PTPRQ: variants seen among roughly 807,000 people sequenced by gnomAD.
PTPRQ encodes the protein protein tyrosine phosphatase receptor type Q.
A neutral mutation model predicts 246.0 loss-of-function variants in PTPRQ; 199 were observed. The ratio of observed to expected loss-of-function variants is 0.81; its 90% CI spans 0.72 to 0.91. The LOEUF (loss-of-function observed/expected upper bound fraction) is 0.91. PTPRQ is among the 40% of genes least tolerant of loss of function. The pLI is 0.00. For missense variants in PTPRQ, 2,624 were observed against 2,528.4 expected (o/e 1.04, Z -0.81); for synonymous variants, 869 against 853.2 (o/e 1.02, Z -0.32).
chr12:80,494,893 A>C, intron 10 of PTPRQ, 40 bp from the exon 11 acceptor site: 2 of 1,497,146 alleles, frequency 1.3e-6, no homozygotes, highest in Non-Finnish European at 1.8e-6. Flanking sequence ...TGTGAAGCCA[A>C]ACACCTTTCT....
At chr12:80,642,933 A>AC (rs1360925559) in intron 35 of PTPRQ, among the ~76,000 whole-genome samples, 3,614 of 144,384 alleles carry the variant, frequency 0.025, 250 homozygotes, top group African/African-American at 0.093. Context: ...AAAAAAAAAA[A>AC]AAAAAAAAAA....
chr12:80,618,839 T>C (rs1898865687), intron 30 of PTPRQ, among the ~76,000 whole-genome samples: 2 of 151,484 alleles, frequency 1.3e-5, no homozygotes, highest in South Asian at 4.1e-4. Context: ...TTATAATACA[T>C]ACTAGAGCCC....
In PTPRQ at chr12:80,610,522, C is replaced by A; in HGVS notation, c.4815C>A (p.Phe1605Leu). The change falls in exon 28 of 45, where the codon TTC becomes TTA. Residue 1605 changes from phenylalanine (F) to leucine (L), a missense_variant. Phe to Leu is a conservative substitution (Grantham distance 22). Coordinates refer to ENST00000644991, the MANE Select transcript of PTPRQ (RefSeq NM_001145026.2). ...KTIEIKDLEI[F>L]TRYSVVITAF... ...TAGAAATTAAAGATTTAGAAATATT[C>A]ACAAGGTATTCTGTAGTGATCACTG... 1 of 1,534,422 alleles carries A rather than the reference C, an allele frequency of 6.5e-7. No homozygotes were observed. Among genetic ancestry groups the A allele is most frequent in the South Asian group, 1.2e-5 (1 of 81,440 alleles).
chr12:80,556,607 A>C (rs1328316510), intron 25 of PTPRQ, among the ~76,000 whole-genome samples: 1 of 152,200 alleles, frequency 6.6e-6, no homozygotes, highest in Non-Finnish European at 1.5e-5. Flanking sequence ...TCAGTATGCT[A>C]TGAGAAAATG....
In PTPRQ at chr12:80,679,116, T is replaced by C. The variant is rs1226539131; in HGVS notation, c.*93T>C. The stretch of plus-strand genomic sequence containing the variant: ...TCTTCCGAATTGAAATGTGCAACCT[T>C]AAAGAAATATCTATGCTTCTCTCAC... On this transcript the variant is annotated 3_prime_UTR_variant, in exon 45 of 45. Coordinates refer to ENST00000644991, the MANE Select transcript of PTPRQ (RefSeq NM_001145026.2). The C allele has an allele frequency of 7.0e-7, 1 of 1,437,432 alleles. No individual in the cohort carries two copies. Among genetic ancestry groups the C allele is most frequent in the African/African-American group, 1.4e-5 (1 of 69,592 alleles). 89.0% of individuals were successfully genotyped at this position (1,437,432 alleles called of 1,614,324 possible).
chr12:80,466,337 G>C (rs199517272), intron 6 of PTPRQ, among the ~76,000 whole-genome samples: 16 of 152,114 alleles, frequency 1.1e-4, no homozygotes, highest in Admixed American at 6.6e-4. Flanking sequence ...GTACAAACCA[G>C]TGCTCAATGA....
chr12:80,606,924 T>C (rs1264107351), intron 27 of PTPRQ, among the ~76,000 whole-genome samples: 1 of 150,924 alleles, frequency 6.6e-6, no homozygotes, highest in African/African-American at 2.4e-5. Flanking sequence ...AAAGGCACTT[T>C]ATTAATGAAA....
chr12:80,645,096 A>G (rs1279901487), intron 35 of PTPRQ, among the ~76,000 whole-genome samples: 1 of 152,108 alleles, frequency 6.6e-6, no homozygotes, highest in African/African-American at 2.4e-5. Context: ...CTAAAAAGTG[A>G]TTGGATTTAG....
intron 23 of PTPRQ, among the ~76,000 whole-genome samples, chr12:80,543,212 TAAC>T (rs1453647507): frequency 6.6e-6 from 1 of 152,134 alleles, no homozygotes; most frequent in African/African-American, 2.4e-5. Flanking sequence ...TATCTATTGT[TAAC>T]AGCAGCACCA....
intron 17 of PTPRQ, among the ~76,000 whole-genome samples, chr12:80,529,755 A>G (rs1895790570): frequency 6.6e-6 from 1 of 152,196 alleles, no homozygotes; most frequent in Admixed American, 6.5e-5. Flanking sequence ...GGCGTTACCC[A>G]TGAGTAAAGA....
At position 80,541,571 on chromosome 12, in the gene PTPRQ, T is replaced by C; in HGVS notation, c.3171T>C (p.Val1057=). 6.5e-7 allele frequency: 1 copy of C among 1,529,780 alleles called. No individual in the cohort carries two copies. The allele number at this position is 1,529,780 out of a possible 1,614,324, so 94.8% of individuals were successfully genotyped here. ...CTATCATAGTACCTGAAGGGTTTGT[T>C]GGAAACCTGACTTACGAATCCATTT... ...YTDQDIPEGF[V]GNLTYESISS... Residue 1057 remains valine (V), a synonymous_variant, in exon 21 of 45, where the codon GTT becomes GTC. Transcript: ENST00000644991.
chr12:80,560,602 A>C (rs1350807898), intron 25 of PTPRQ, among the ~76,000 whole-genome samples: 8 of 152,066 alleles, frequency 5.3e-5, no homozygotes, highest in Non-Finnish European at 1.2e-4. Context: ...CAGAATCCCC[A>C]AAATTAAAAA....
intron 25 of PTPRQ, among the ~76,000 whole-genome samples, chr12:80,551,287 A>G (rs1896466991): frequency 6.6e-6 from 1 of 152,098 alleles, no homozygotes; most frequent in South Asian, 2.1e-4. Context: ...ATAGTTTTAT[A>G]CAATTCCTTA....
At chr12:80,513,023 C>G (rs547561621) in intron 17 of PTPRQ, among the ~76,000 whole-genome samples, 1 of 152,034 alleles carries the variant, frequency 6.6e-6, no homozygotes, top group Non-Finnish European at 1.5e-5. Context: ...ATGGCAGGGT[C>G]TAGGGGTGAA....
intron 25 of PTPRQ, among the ~76,000 whole-genome samples, chr12:80,562,708 A>G (rs1357244779): frequency 6.6e-6 from 1 of 152,132 alleles, no homozygotes; most frequent in South Asian, 2.1e-4. Flanking sequence ...TTCCCTCCAC[A>G]AAAGAAAGCC....
chr12:80,577,912 T>G (rs1484806465), intron 25 of PTPRQ, among the ~76,000 whole-genome samples: 1 of 152,130 alleles, frequency 6.6e-6, no homozygotes. Flanking sequence ...CCAAAATTTC[T>G]CTGGATTAAG....
intron 29 of PTPRQ, among the ~76,000 whole-genome samples, chr12:80,614,530 T>C (rs964018423): frequency 3.5e-4 from 53 of 151,064 alleles, no homozygotes; most frequent in African/African-American, 1.2e-3. Flanking sequence ...TATCAGGTCA[T>C]TGATAATAAT....
chr12:80,608,135 G>A lies in PTPRQ; in HGVS notation c.4732-2304G>A, dbSNP rs370698267. ...ACACAAGATGGGAAAGGGTGGAGGC[G>A]GGGTAGGAAGAGAAAAAAAATAGGA... On this transcript the variant is annotated intron_variant, in intron 27 of 44. Coordinates refer to ENST00000644991, the MANE Select transcript of PTPRQ (RefSeq NM_001145026.2). 2.1e-4 allele frequency among the ~76,000 whole-genome samples: 32 copies of A among 150,700 alleles called. No individual in the cohort carries two copies. The East Asian group carries it at 5.5e-3, about 26-fold the overall frequency.
At chr12:80,471,875 G>T (rs946100867) in intron 7 of PTPRQ, among the ~76,000 whole-genome samples, 1 of 151,922 alleles carries the variant, frequency 6.6e-6, no homozygotes, top group South Asian at 2.1e-4. Flanking sequence ...TTTAATAAAA[G>T]TCATTTTAAG....
Sources: gnomAD v4.1 joint callset for allele counts (sites outside exome capture counted in the v4.1 genomes callset) on GRCh38, gnomAD v4.1.1 for gene constraint, MANE v1.5 for transcripts, NCBI Gene and HGNC (gene_info 2026-07-23, HGNC 2026-07-21) for gene names.